PPP1R12A: variants seen among roughly 807,000 people sequenced by gnomAD.
The protein encoded by PPP1R12A is myosin binding subunit.
PPP1R12A carries 19 observed loss-of-function variants against 139.6 expected under a neutral mutation model. The ratio of observed to expected loss-of-function variants is 0.14; its 90% confidence interval spans 0.09 to 0.20. The LOEUF (loss-of-function observed/expected upper bound fraction) is 0.20. PPP1R12A is among the 10% of genes least tolerant of loss of function. The pLI, the probability that PPP1R12A is intolerant of heterozygous loss-of-function variation, is 1.00. For missense variants in PPP1R12A, 925 were observed against 1,211.5 expected (o/e 0.76, Z 3.51); for synonymous variants, 427 against 420.6 (o/e 1.02, Z -0.19).
intron 1 of PPP1R12A, among the ~76,000 whole-genome samples, chr12:79,882,376 A>T (rs889549749): frequency 3.3e-5 from 5 of 152,178 alleles, no homozygotes; most frequent in Admixed American, 3.3e-4. Context: ...ACTTTGAGGG[A>T]TTCAAGACTT....
At chr12:79,828,755 G>C (rs1235277301) in intron 4 of PPP1R12A, among the ~76,000 whole-genome samples, 1 of 151,978 alleles carries the variant, frequency 6.6e-6, no homozygotes. Flanking sequence ...AATATGACTT[G>C]TAAGTGAAAT....
At chr12:79,858,923 T>C (rs1026359269) in intron 2 of PPP1R12A, among the ~76,000 whole-genome samples, 4 of 152,122 alleles carry the variant, frequency 2.6e-5, no homozygotes, top group African/African-American at 9.7e-5. Context: ...AGGCTTTCAA[T>C]AAAACTGTCA....
At chr12:79,906,859 T>C (rs1244665224) in intron 1 of PPP1R12A, among the ~76,000 whole-genome samples, 1 of 152,164 alleles carries the variant, frequency 6.6e-6, no homozygotes, top group Non-Finnish European at 1.5e-5. Flanking sequence ...TTGACCCGGC[T>C]GGTCTCGAAC....
chr12:79,844,805 C>T (rs1879192775), intron 3 of PPP1R12A, among the ~76,000 whole-genome samples: 1 of 152,178 alleles, frequency 6.6e-6, no homozygotes, highest in South Asian at 2.1e-4. Context: ...CTTCCTGCCT[C>T]TTCCTCTGCT....
At chr12:79,806,749 T>C (rs147504610) in intron 12 of PPP1R12A, 163 of 166,602 alleles carry the variant, frequency 9.8e-4, no homozygotes, top group Non-Finnish European at 1.7e-3. Flanking sequence ...GCCTACATGA[T>C]ACTTGTTCAC....
At chr12:79,842,569 G>A (rs894315814) in intron 3 of PPP1R12A, among the ~76,000 whole-genome samples, 1 of 137,828 alleles carries the variant, frequency 7.3e-6, no homozygotes, top group South Asian at 2.4e-4. Context: ...AATCACATGT[G>A]GCACTTTGTG....
At chr12:79,799,242 G>A (rs1329554918) in intron 14 of PPP1R12A, among the ~76,000 whole-genome samples, 1 of 151,998 alleles carries the variant, frequency 6.6e-6, no homozygotes, top group Non-Finnish European at 1.5e-5. Flanking sequence ...TCTGCCTCCC[G>A]GGTTCAAGTG....
rs182992915 is a variant in PPP1R12A, at chr12:79,899,863, C to T, written c.238-26925G>A. On this transcript the variant is annotated intron_variant, in intron 1 of 24. Coordinates refer to ENST00000450142, the MANE Select transcript of PPP1R12A (RefSeq NM_002480.3). ...TCCAATTGTGCCACATCATCGCAGG[C>T]ATTTCATGATGCTCATATCAAAGGT... 5.3e-5 allele frequency among the ~76,000 whole-genome samples: 8 copies of T among 152,284 alleles called. No individual in the cohort carries two copies. In the East Asian group the frequency reaches 5.8e-4, roughly 11 times the overall value.
chr12:79,925,262 G>A (rs1033951848), intron 1 of PPP1R12A, among the ~76,000 whole-genome samples: 4 of 142,544 alleles, frequency 2.8e-5, no homozygotes, highest in African/African-American at 8.6e-5. Context: ...ATACGTGTAC[G>A]TGTGTGTGTG....
intron 3 of PPP1R12A, 163 bp from the exon 4 acceptor site, chr12:79,832,654 G>T: frequency 7.0e-6 from 4 of 574,164 alleles, no homozygotes; most frequent in Non-Finnish European, 5.6e-6. Flanking sequence ...AAAAATGTGG[G>T]GATATTGTAG....
At chr12:79,827,863 G>GT (rs1295005429) in intron 5 of PPP1R12A, among the ~76,000 whole-genome samples, 1 of 152,066 alleles carries the variant, frequency 6.6e-6, no homozygotes, top group Non-Finnish European at 1.5e-5. Flanking sequence ...ATCACCTGCT[G>GT]TAAGACCTCA....
intron 22 of PPP1R12A, among the ~76,000 whole-genome samples, chr12:79,784,035 T>C (rs1216395155): frequency 6.6e-6 from 1 of 152,108 alleles, no homozygotes; most frequent in Non-Finnish European, 1.5e-5. Flanking sequence ...CTTGGCTAAA[T>C]AGTATCAAAC....
intron 1 of PPP1R12A, among the ~76,000 whole-genome samples, chr12:79,898,322 G>A (rs778495701): frequency 6.6e-5 from 10 of 152,104 alleles, no homozygotes; most frequent in East Asian, 1.9e-4. Flanking sequence ...CAGGTGTGGC[G>A]GTGTGCACCT....
rs1293459910 is a variant in PPP1R12A at position 79,774,925 on chromosome 12, A to AAGAT, written c.*1000_*1003dup. ...CACTTTACAGTAGGAAACTTTTGTA[A>AAGAT]AGATAGGGCTCCACATAATGTGTAA... is the stretch of plus-strand genomic sequence containing the variant. On this transcript the variant is annotated 3_prime_UTR_variant, in exon 25 of 25. Transcript: ENST00000450142. 1 of 147,476 alleles carries AAGAT rather than the reference A, an allele frequency of 6.8e-6. No homozygotes were observed. The highest frequency in any genetic ancestry group is 2.7e-5 in the African/African-American group (1 of 36,800). 9.1% of individuals were successfully genotyped at this position (147,476 alleles called of 1,614,324 possible). A position where few individuals can be genotyped will look rare whatever the true frequency, so the allele number is the denominator to read the frequency against.
In PPP1R12A at chr12:79,795,667, A is replaced by G. The variant is rs955841905; in HGVS notation, c.2554T>C (p.Ser852Pro). Reference sequence around the variant, plus strand: ...TGTGTCCAAAATGAAACTCCTGTAGATCTTCTTTTCTCTCTTGGTCGTCGT... The same window carrying G: ...TGTGTCCAAAATGAAACTCCTGTAGGTCTTCTTTTCTCTCTTGGTCGTCGT... ...ERRRPREKRR[S>P]TGVSFWTQDS... The change falls in exon 18 of 25, where the codon TCT becomes CCT. Residue 852 changes from serine to proline, a missense_variant. Physicochemically the swap from Ser to Pro is moderately conservative, Grantham distance 74 (BLOSUM62 -1). Around this residue, in one of 4 missense-constraint regions of PPP1R12A, gnomAD observed 315 missense variants for 363.4 expected, o/e 0.87. Transcript: ENST00000450142. 1.2e-6 allele frequency: 2 copies of G among 1,611,900 alleles called. No individual in the cohort carries two copies. The highest frequency in any genetic ancestry group is 1.7e-5 in the Admixed American group (1 of 59,930).
intron 9 of PPP1R12A, among the ~76,000 whole-genome samples, chr12:79,813,972 C>A (rs192350055): frequency 3.2e-4 from 49 of 152,194 alleles, no homozygotes; most frequent in Admixed American, 2.7e-3. Context: ...GAAGTGGAGT[C>A]ATGACTGGGA....
intron 1 of PPP1R12A, among the ~76,000 whole-genome samples, chr12:79,892,933 G>A (rs540505439): frequency 5.3e-5 from 8 of 152,006 alleles, no homozygotes; most frequent in South Asian, 2.1e-4. Context: ...GTGAAACCCC[G>A]TCTCTACTAA....
At chr12:79,834,194 G>A (rs1877804114) in intron 3 of PPP1R12A, among the ~76,000 whole-genome samples, 1 of 152,186 alleles carries the variant, frequency 6.6e-6, no homozygotes, top group South Asian at 2.1e-4. Flanking sequence ...AAATAGGTTG[G>A]TAAAAAATAG....
chr12:79,832,438 C>T lies in PPP1R12A; in HGVS notation c.541G>A (p.Ala181Thr). 6.2e-7 allele frequency: 1 copy of T among 1,613,222 alleles called. No homozygotes were observed. Residue 181 changes from alanine to threonine, a missense_variant, in exon 4 of 25, where the codon GCC becomes ACC. Ala to Thr is a moderately conservative substitution (Grantham distance 58). Transcript: ENST00000450142. ...TGACCACTATTTAGCCACTGCCTGGCATCTCTAAGCATGATCCGTTCTTCT... is the reference window on the plus strand; with the variant it reads ...TGACCACTATTTAGCCACTGCCTGGTATCTCTAAGCATGATCCGTTCTTCT... ...KEEERIMLRD[A>T]RQWLNSGHIN...
Sources: allele counts gnomAD v4.1 joint callset (sites outside exome capture counted in the v4.1 genomes callset), GRCh38; gene constraint gnomAD v4.1.1; regional missense constraint gnomAD v4.1.1; transcripts MANE v1.5; gene names NCBI Gene and HGNC (gene_info 2026-07-23, HGNC 2026-07-21).